The following LIN54 variants were observed in gnomAD, a reference collection of about 807,000 sequenced individuals.
The protein encoded by LIN54 is lin-54 DREAM MuvB core complex component.
LIN54 carries 9 observed loss-of-function variants against 78.7 expected under a neutral mutation model. That is an observed-to-expected ratio of 0.11 (90% CI 0.07 to 0.20). LIN54 has a LOEUF of 0.20. Ranked by LOEUF, LIN54 falls within the 10% of genes least tolerant of loss-of-function variation. LIN54 has a pLI of 1.00. For missense variants in LIN54, 573 were observed against 889.9 expected (o/e 0.64, Z 4.53); for synonymous variants, 269 against 318.4 (o/e 0.84, Z 1.65).
At chr4:82,972,947 C>CT (rs1553953864) in intron 3 of LIN54, among the ~76,000 whole-genome samples, 21,840 of 120,764 alleles carry the variant, frequency 0.18, 1,736 homozygotes, top group South Asian at 0.32. Context: ...AAGAATCCCT[C>CT]TAAAAAAAAA....
At chr4:83,008,750 T>A (rs1052080939) in intron 1 of LIN54, among the ~76,000 whole-genome samples, 4 of 152,214 alleles carry the variant, frequency 2.6e-5, no homozygotes, top group African/African-American at 9.7e-5. Context: ...TCTCTGGTGG[T>A]ATAATTCTTG....
chr4:82,966,910 C>T (rs1216462963), intron 4 of LIN54, among the ~76,000 whole-genome samples: 1 of 152,000 alleles, frequency 6.6e-6, no homozygotes, highest in Non-Finnish European at 1.5e-5. Flanking sequence ...CACCCAGCCC[C>T]GACATCTGAA....
intron 1 of LIN54, among the ~76,000 whole-genome samples, chr4:83,007,217 C>T (rs1729475882): frequency 6.6e-6 from 1 of 151,626 alleles, no homozygotes. Context: ...CAAATAAATG[C>T]TATTCATTTA....
intron 11 of LIN54, among the ~76,000 whole-genome samples, chr4:82,932,464 T>A (rs1301308282): frequency 2.6e-5 from 4 of 151,520 alleles, no homozygotes; most frequent in Non-Finnish European, 5.9e-5. Flanking sequence ...TCACATCTCA[T>A]CAGCAATGTG....
At chr4:82,988,918 G>A (rs1375887788) in intron 1 of LIN54, among the ~76,000 whole-genome samples, 2 of 152,062 alleles carry the variant, frequency 1.3e-5, no homozygotes, top group Non-Finnish European at 2.9e-5. Flanking sequence ...GCCGGGCGCG[G>A]TGTCTTATGC....
At chr4:82,952,634 A>C (rs1299432698) in intron 4 of LIN54, among the ~76,000 whole-genome samples, 1 of 152,220 alleles carries the variant, frequency 6.6e-6, no homozygotes, top group Non-Finnish European at 1.5e-5. Context: ...AATTAAAAGT[A>C]GGGTCTTGAA....
intron 12 of LIN54, among the ~76,000 whole-genome samples, chr4:82,929,988 C>T (rs771642536): frequency 1.3e-5 from 2 of 152,216 alleles, no homozygotes; most frequent in South Asian, 2.1e-4. Context: ...ACCTCTGCCT[C>T]CCAGGCTCAA....
intron 6 of LIN54, 29 bp from the exon 7 acceptor site, chr4:82,939,765 C>T (rs1468501879): frequency 1.9e-6 from 3 of 1,612,576 alleles, no homozygotes; most frequent in East Asian, 4.5e-5. Context: ...TATCAATGAC[C>T]ACAAAATAAA....
chr4:82,991,611 T>C (rs1193614105), intron 1 of LIN54, among the ~76,000 whole-genome samples: 1 of 152,222 alleles, frequency 6.6e-6, no homozygotes, highest in Non-Finnish European at 1.5e-5. Flanking sequence ...TAATCTTATC[T>C]GTTAGTTATA....
intron 3 of LIN54, among the ~76,000 whole-genome samples, chr4:82,972,040 G>A (rs372964533): frequency 1.2e-4 from 18 of 152,118 alleles, no homozygotes; most frequent in Admixed American, 2.6e-4. Context: ...TGACAACAAT[G>A]CCAAAGTATG....
chr4:82,943,637 T>A lies in LIN54; in HGVS notation c.1168+2621A>T, dbSNP rs1295928886. Reference sequence around the variant, plus strand: ...GGATATAAGGGAAATAACATGGGCGTATATGTATGTGGCTGGGTGGGAAGA... The same window carrying A: ...GGATATAAGGGAAATAACATGGGCGAATATGTATGTGGCTGGGTGGGAAGA... On this transcript the variant is annotated intron_variant, in intron 5 of 12. Transcript: ENST00000340417. Among the ~76,000 whole-genome samples the A allele has an allele frequency of 2.6e-5, 4 of 151,768 alleles. No individual in the cohort carries two copies. In the East Asian group the frequency reaches 7.7e-4, roughly 29 times the overall value.
chr4:82,996,317 G>A (rs1472436426), intron 1 of LIN54, among the ~76,000 whole-genome samples: 1 of 152,068 alleles, frequency 6.6e-6, no homozygotes, highest in Admixed American at 6.6e-5. Flanking sequence ...AGAAGCTTTA[G>A]TTCACCTCAT....
chr4:82,990,205 A>G (rs1466380797), intron 1 of LIN54, among the ~76,000 whole-genome samples: 1 of 152,184 alleles, frequency 6.6e-6, no homozygotes, highest in African/African-American at 2.4e-5. Flanking sequence ...GGCCAAAACT[A>G]TCAAGAACTG....
chr4:82,984,723 T>G lies in LIN54; in HGVS notation c.122A>C (p.Glu41Ala). 1 of 1,614,164 alleles carries G rather than the reference T, an allele frequency of 6.2e-7. No individual in the cohort carries two copies. Among genetic ancestry groups the G allele is most frequent in the Non-Finnish European group, 8.5e-7 (1 of 1,180,016 alleles). ...GTTGACAATTTCTTCCAGTTCTGTC[T>G]CCATGGGAATTGGGGATGAAACAAT... ...AVIVSSPIPM[E>A]TELEEIVNIN... The change falls in exon 2 of 13, where the codon GAG (glutamate) becomes GCG (alanine). Residue 41 changes from glutamate to alanine, a missense_variant. Glu to Ala is a moderately radical substitution (Grantham distance 107, BLOSUM62 -1). Transcript: ENST00000340417.
At position 82,947,226 on chromosome 4, in the gene LIN54, TA is replaced by T. The variant is rs1368051232; in HGVS notation, c.952-753del. On this transcript the variant is annotated intron_variant, in intron 4 of 12. Transcript: ENST00000340417. ...AAAAATTTATATATATATATATATA[TA>T]TATATATATTTTTTTTTTTTTTGAA... Among the ~76,000 whole-genome samples the T allele has an allele frequency of 4.7e-3, 131 of 28,158 alleles. 3 individuals are homozygous for T. The highest frequency in any genetic ancestry group is 0.014 in the African/African-American group (120 of 8,370). 18.5% of individuals were successfully genotyped at this position (28,158 alleles called of 152,430 possible). A position where few individuals can be genotyped will look rare whatever the true frequency, so the allele number is the denominator to read the frequency against.
At chr4:82,956,353 TAA>T (rs11464761) in intron 4 of LIN54, among the ~76,000 whole-genome samples, 1 of 128,838 alleles carries the variant, frequency 7.8e-6, no homozygotes, top group African/African-American at 3.4e-5. Flanking sequence ...CCGTCTCAAC[TAA>T]AAAAAAAAAA....
intron 7 of LIN54, among the ~76,000 whole-genome samples, chr4:82,939,045 T>C (rs1722624542): frequency 6.6e-6 from 1 of 152,232 alleles, no homozygotes; most frequent in Admixed American, 6.5e-5. Context: ...AGTACACGTG[T>C]GGGTTTGTTT....
At chr4:82,969,431 G>A (rs1367822623) in intron 4 of LIN54, among the ~76,000 whole-genome samples, 3 of 152,174 alleles carry the variant, frequency 2.0e-5, no homozygotes, top group Non-Finnish European at 4.4e-5. Context: ...GCATGGCACA[G>A]TTACCCTCAA....
chr4:82,942,450 T>C (rs1209879072), intron 5 of LIN54, among the ~76,000 whole-genome samples: 2 of 152,202 alleles, frequency 1.3e-5, no homozygotes, highest in African/African-American at 4.8e-5. Context: ...GTAAGACTCT[T>C]TTCCTGTATG....
Sources: gnomAD v4.1 joint callset for allele counts (sites outside exome capture counted in the v4.1 genomes callset) on GRCh38, gnomAD v4.1.1 for gene constraint, MANE v1.5 for transcripts, NCBI Gene and HGNC (gene_info 2026-07-23, HGNC 2026-07-21) for gene names.